KIFC3: variants seen among roughly 807,000 people sequenced by gnomAD.
KIFC3 encodes kinesin-like protein KIFC3.
A neutral mutation model predicts 101.8 loss-of-function variants in KIFC3; 60 were observed. The observed-to-expected ratio is 0.59, with a 90% CI of 0.48 to 0.73. The LOEUF is 0.73. Among genes scored for constraint, KIFC3 ranks in the 30% least tolerant of loss-of-function variants. KIFC3 has a pLI of 0.00. For missense variants in KIFC3, 966 were observed against 1,137.1 expected, an observed-to-expected ratio of 0.85 and a Z score of 2.16; for synonymous variants, 476 against 482.7, an observed-to-expected ratio of 0.99 and a Z score of 0.18.
At chr16:57,850,972 TCC>T (rs2056043351) in intron 1 of KIFC3, among the ~76,000 whole-genome samples, 2 of 21,922 alleles carry the variant, frequency 9.1e-5, no homozygotes, top group Non-Finnish European at 1.4e-4. Flanking sequence ...CTTCCTTCCT[TCC>T]TTCCTTCCTT....
chr16:57,845,042 G>T (rs1429320843), intron 1 of KIFC3, among the ~76,000 whole-genome samples: 1 of 152,088 alleles, frequency 6.6e-6, no homozygotes, highest in African/African-American at 2.4e-5. Flanking sequence ...TTATAGCAGG[G>T]AGACAAAAAT....
chr16:57,848,251 CATTT>C (rs1424870066), intron 1 of KIFC3, among the ~76,000 whole-genome samples: 12 of 152,144 alleles, frequency 7.9e-5, no homozygotes, highest in Admixed American at 2.6e-4. Context: ...GATGAACATT[CATTT>C]GTTTTTATGA....
intron 2 of KIFC3, among the ~76,000 whole-genome samples, chr16:57,796,745 T>A (rs1385125187): frequency 6.6e-6 from 1 of 152,208 alleles, no homozygotes; most frequent in Non-Finnish European, 1.5e-5. Context: ...CCTATATGCA[T>A]GCACACACAC....
In KIFC3 at chr16:57,770,468, G is replaced by A. The variant is rs116153257; in HGVS notation, c.939+59C>T. On this transcript the variant is annotated intron_variant, in intron 7 of 19. Transcript: ENST00000445690. ...ACCCAAATGTTTAACCGATGCATTGGCCCAAGGGCCTGCCTCTGGCTTCCT... is the reference window on the plus strand; with the variant it reads ...ACCCAAATGTTTAACCGATGCATTGACCCAAGGGCCTGCCTCTGGCTTCCT... The A allele has an allele frequency of 6.4e-3, 8,627 of 1,341,826 alleles. 492 individuals carry two copies. The African/African-American group carries it at 0.12, about 18-fold the overall frequency. The allele number at this position is 1,341,826 out of a possible 1,614,324, so 83.1% of individuals were successfully genotyped here. A position where few individuals can be genotyped will look rare whatever the true frequency, so the allele number is the denominator to read the frequency against.
intron 11 of KIFC3, among the ~76,000 whole-genome samples, chr16:57,764,747 G>A (rs2148885997): frequency 6.6e-6 from 1 of 152,316 alleles, no homozygotes; most frequent in East Asian, 1.9e-4. Context: ...GAAGGCCCAG[G>A]GGACTGATAC....
Position 57,769,879 on chromosome 16 carries a change from T to C in KIFC3, c.1016A>G (p.Lys339Arg). The change falls in exon 8 of 20, where the codon AAG becomes AGG. Residue 339 changes from lysine (K) to arginine (R), a missense_variant. By Grantham distance (26) the Lys-to-Arg change is conservative. Coordinates refer to ENST00000445690, the MANE Select transcript of KIFC3 (RefSeq NM_001130100.2). The surrounding 1 kb of genome is among the most constrained non-coding windows in gnomAD (Gnocchi z 4.3). ...LEEMQSLEED[K>R]NRAIEEAFAR... ...AAAGGCCTCCTCAATGGCCCGGTTCTTGTCCTCTTCCAGGGACTGCATCTC... is the reference window on the plus strand; with the variant it reads ...AAAGGCCTCCTCAATGGCCCGGTTCCTGTCCTCTTCCAGGGACTGCATCTC... 6.2e-7 allele frequency: 1 copy of C among 1,613,968 alleles called. No individual in the cohort carries two copies.
At chr16:57,848,068 G>A (rs1220245596) in intron 1 of KIFC3, among the ~76,000 whole-genome samples, 1 of 152,176 alleles carries the variant, frequency 6.6e-6, no homozygotes, top group African/African-American at 2.4e-5. Context: ...TTACAGGCGT[G>A]GGCCACCATG....
At chr16:57,759,078 T>TGCGG (rs1597846472) in intron 19 of KIFC3, 47 bp downstream of exon 19, 3 of 1,547,626 alleles carry the variant, frequency 1.9e-6, no homozygotes, top group Admixed American at 3.9e-5. Flanking sequence ...TGCAACCCAC[T>TGCGG]GCGGGCAGGC....
intron 3 of KIFC3, chr16:57,776,368 G>A: frequency 1.0e-6 from 1 of 985,244 alleles, no homozygotes; most frequent in Non-Finnish European, 1.2e-6. Flanking sequence ...ACGCCACCCT[G>A]CCTCTGTTGC....
intron 3 of KIFC3, chr16:57,776,439 A>C (rs2052101216): frequency 3.0e-6 from 3 of 984,962 alleles, no homozygotes; most frequent in African/African-American, 3.5e-5. Context: ...TGACAATTCG[A>C]ATTCTAAAGC....
At chr16:57,789,608 A>G (rs782079841) in intron 3 of KIFC3, among the ~76,000 whole-genome samples, 57 of 152,264 alleles carry the variant, frequency 3.7e-4, no homozygotes, top group Non-Finnish European at 6.0e-4. Flanking sequence ...GAATAAAAAG[A>G]AAGTTCACAA....
At chr16:57,785,467 G>T in intron 3 of KIFC3, 2 of 1,285,374 alleles carry the variant, frequency 1.6e-6, no homozygotes, top group South Asian at 2.5e-5. Context: ...CAGGTACCTG[G>T]TTCTGCAGCT....
At chr16:57,759,584 C>T (rs1555593504) in intron 18 of KIFC3, 144 bp downstream of exon 18, 1 of 629,418 alleles carries the variant, frequency 1.6e-6, no homozygotes, top group Non-Finnish European at 2.8e-6. Flanking sequence ...TGCCTGGGGG[C>T]AGGGGAGGTT....
At chr16:57,823,953 T>C (rs2055408088) in intron 1 of KIFC3, among the ~76,000 whole-genome samples, 1 of 151,942 alleles carries the variant, frequency 6.6e-6, no homozygotes, top group Non-Finnish European at 1.5e-5. Context: ...GAGGAATCTA[T>C]AGAAAAATTG....
At chr16:57,774,990 T>TC (rs1555611045) in intron 3 of KIFC3, 2 of 1,533,788 alleles carry the variant, frequency 1.3e-6, no homozygotes, top group Admixed American at 4.0e-5. Flanking sequence ...CTTGATCATC[T>TC]CCACTGCCGC....
intron 3 of KIFC3, among the ~76,000 whole-genome samples, chr16:57,792,312 G>C (rs1432557226): frequency 1.3e-5 from 2 of 152,154 alleles, no homozygotes; most frequent in East Asian, 3.8e-4. Flanking sequence ...TCATCCCTTC[G>C]TGATTATTTG....
chr16:57,854,907 T>C (rs2056132346), intron 1 of KIFC3, among the ~76,000 whole-genome samples: 1 of 152,108 alleles, frequency 6.6e-6, no homozygotes, highest in South Asian at 2.1e-4. Flanking sequence ...AACACACTTC[T>C]AAATAATCCA....
At chr16:57,844,798 T>C (rs1596860466) in intron 1 of KIFC3, among the ~76,000 whole-genome samples, 2 of 152,202 alleles carry the variant, frequency 1.3e-5, no homozygotes, top group African/African-American at 4.8e-5. Flanking sequence ...GCCTGTGCCC[T>C]GGAATTTTCT....
chr16:57,852,282 A>C (rs888580681), intron 1 of KIFC3, among the ~76,000 whole-genome samples: 2 of 151,990 alleles, frequency 1.3e-5, no homozygotes, highest in African/African-American at 4.8e-5. Context: ...GCCTTGGAGC[A>C]CTCATTGGAG....
Sources: gnomAD v4.1 joint callset for allele counts (sites outside exome capture counted in the v4.1 genomes callset) on GRCh38, gnomAD v4.1.1 for gene constraint, Gnocchi (gnomAD v3.1) non-coding constraint, MANE v1.5 for transcripts, NCBI Gene and HGNC (gene_info 2026-07-23, HGNC 2026-07-21) for gene names.